The following CSMD1 variants were observed in gnomAD, a reference collection of about 807,000 sequenced individuals.
The protein encoded by CSMD1 is CUB and sushi domain-containing protein 1.
A neutral mutation model predicts 417.5 loss-of-function variants in CSMD1; 213 were observed. The ratio of observed to expected loss-of-function variants is 0.51; its 90% CI spans 0.46 to 0.57. The LOEUF (loss-of-function observed/expected upper bound fraction) is 0.57. Ranked by LOEUF, CSMD1 falls within the 20% of genes least tolerant of loss-of-function variation. CSMD1 has a pLI of 0.00. For synonymous variants in CSMD1, 2,862 were observed against 1,736.8 expected (o/e 1.65, Z -16.11); for missense variants, 6,923 against 4,529.7 (o/e 1.53, Z -15.17).
In CSMD1 at chr8:3,108,722, TG is replaced by T; in HGVS notation, c.6634del (p.Gln2212SerfsTer67). The T allele has an allele frequency of 6.2e-7, 1 of 1,613,504 alleles. No individual in the cohort carries two copies. On this transcript the variant is annotated frameshift_variant, in exon 44 of 70. Transcript: ENST00000635120. LOFTEE classifies it high-confidence loss of function. ...TGTGTTGCCACTGAAAACTCCCAGC[TG>T]GGGTGAGTTCTGATCGGGACCGTCC... ...VWDGPDQNSP[Q>X]LGVFSGNTAL...
chr8:3,221,739 C>T (rs1225075837), intron 28 of CSMD1, among the ~76,000 whole-genome samples: 1 of 152,032 alleles, frequency 6.6e-6, no homozygotes, highest in African/African-American at 2.4e-5. Flanking sequence ...CAAATTGAAC[C>T]AAATTCAATT....
intron 6 of CSMD1, among the ~76,000 whole-genome samples, chr8:3,745,731 A>G (rs922936298): frequency 1.3e-5 from 2 of 152,192 alleles, no homozygotes; most frequent in African/African-American, 2.4e-5. Context: ...TCCTTATTTC[A>G]TTAAGCAACA....
intron 26 of CSMD1, among the ~76,000 whole-genome samples, chr8:3,253,668 C>G (rs996537518): frequency 6.6e-6 from 1 of 152,036 alleles, no homozygotes; most frequent in Non-Finnish European, 1.5e-5. Flanking sequence ...GAGTCTAAGT[C>G]TCTTTGTAGG....
chr8:3,460,845 T>C (rs1816455256), intron 12 of CSMD1, among the ~76,000 whole-genome samples: 1 of 151,984 alleles, frequency 6.6e-6, no homozygotes, highest in Admixed American at 6.6e-5. Flanking sequence ...GTGATGTGAG[T>C]CCCAGGTCAG....
chr8:3,793,647 G>C (rs971644293), intron 5 of CSMD1, among the ~76,000 whole-genome samples: 5 of 152,010 alleles, frequency 3.3e-5, no homozygotes, highest in African/African-American at 1.2e-4. Flanking sequence ...TCAATTGCTT[G>C]GATGATCTCT....
chr8:3,787,981 G>C (rs1448288451), intron 5 of CSMD1, among the ~76,000 whole-genome samples: 1 of 152,168 alleles, frequency 6.6e-6, no homozygotes, highest in African/African-American at 2.4e-5. Context: ...TGAATAATTG[G>C]GAGCTGTGAG....
chr8:3,232,241 C>T (rs891502243), intron 26 of CSMD1, among the ~76,000 whole-genome samples: 1 of 152,210 alleles, frequency 6.6e-6, no homozygotes, highest in Non-Finnish European at 1.5e-5. Context: ...CTTTTAGCCA[C>T]ATATATCAGT....
intron 3 of CSMD1, among the ~76,000 whole-genome samples, chr8:4,084,490 G>A (rs780981566): frequency 9.9e-5 from 15 of 151,964 alleles, no homozygotes; most frequent in Non-Finnish European, 1.6e-4. Flanking sequence ...CTTTCATTAA[G>A]CCTCTAACAT....
intron 1 of CSMD1, among the ~76,000 whole-genome samples, chr8:4,642,138 T>C (rs890956873): frequency 3.9e-5 from 6 of 152,188 alleles, no homozygotes; most frequent in African/African-American, 1.4e-4. Flanking sequence ...GTCTGCAAGA[T>C]GGGCAAGTGC....
chr8:4,405,303 C>A (rs532961814), intron 3 of CSMD1, among the ~76,000 whole-genome samples: 1 of 152,054 alleles, frequency 6.6e-6, no homozygotes, highest in Non-Finnish European at 1.5e-5. Flanking sequence ...ATTGAAATAA[C>A]TTCCACTTAG....
chr8:4,176,653 A>G (rs1798062242), intron 3 of CSMD1, among the ~76,000 whole-genome samples: 1 of 151,744 alleles, frequency 6.6e-6, no homozygotes, highest in Admixed American at 6.6e-5. Context: ...TAAAGAGTCA[A>G]GACCCATCAG....
At chr8:3,793,123 G>A (rs1022907804) in intron 5 of CSMD1, among the ~76,000 whole-genome samples, 6 of 152,168 alleles carry the variant, frequency 3.9e-5, no homozygotes, top group Admixed American at 6.5e-5. Flanking sequence ...ATACCCACAA[G>A]AGTGGAAGGA....
At chr8:3,272,800 G>A (rs531341284) in intron 26 of CSMD1, among the ~76,000 whole-genome samples, 23 of 150,406 alleles carry the variant, frequency 1.5e-4, no homozygotes, top group Admixed American at 4.7e-4. Flanking sequence ...AGACTTTGCT[G>A]AAGTTGCTTA....
intron 1 of CSMD1, among the ~76,000 whole-genome samples, chr8:4,957,357 G>C (rs904759094): frequency 1.3e-5 from 2 of 152,160 alleles, no homozygotes; most frequent in Non-Finnish European, 2.9e-5. Flanking sequence ...ACATTTGGCA[G>C]TTTGTGAAAA....
At chr8:3,743,868 G>T (rs73187285) in intron 6 of CSMD1, among the ~76,000 whole-genome samples, 6,309 of 152,068 alleles carry the variant, frequency 0.041, 168 homozygotes, top group African/African-American at 0.061. Context: ...CTATGTTATC[G>T]TATGTAAAAT....
In CSMD1 at chr8:3,944,487, C is replaced by T. The variant is rs114901306; in HGVS notation, c.818+53416G>A. ...TTTTCCCTGAAAGTTTTGATGTTGT[C>T]AGATCACTTTAACCTTTAGATTAGG... On this transcript the variant is annotated intron_variant, in intron 5 of 69. Coordinates refer to ENST00000635120, the MANE Select transcript of CSMD1 (RefSeq NM_033225.6). Among the ~76,000 whole-genome samples the T allele has an allele frequency of 2.4e-3, 361 of 151,998 alleles. 2 individuals carry two copies. Among genetic ancestry groups the T allele is most frequent in the African/African-American group, 8.0e-3 (332 of 41,450 alleles).
chr8:3,882,509 G>C (rs992833028), intron 5 of CSMD1, among the ~76,000 whole-genome samples: 1 of 152,142 alleles, frequency 6.6e-6, no homozygotes. Context: ...TCTCTGCCTC[G>C]GTTGAGCACA....
At chr8:4,423,623 G>A (rs956521006) in intron 2 of CSMD1, among the ~76,000 whole-genome samples, 1 of 151,956 alleles carries the variant, frequency 6.6e-6, no homozygotes, top group Non-Finnish European at 1.5e-5. Flanking sequence ...TAAAGATATA[G>A]GTTACTTCCA....
chr8:4,053,467 A>G (rs1438311396), intron 3 of CSMD1, among the ~76,000 whole-genome samples: 1 of 152,018 alleles, frequency 6.6e-6, no homozygotes, highest in Non-Finnish European at 1.5e-5. Context: ...CTGAAGTTCA[A>G]GGTTTTGGCC....
Sources: gnomAD v4.1 joint callset for allele counts (sites outside exome capture counted in the v4.1 genomes callset) on GRCh38, gnomAD v4.1.1 for gene constraint, MANE v1.5 for transcripts, NCBI Gene and HGNC (gene_info 2026-07-23, HGNC 2026-07-21) for gene names.